IGSF11: variants seen among roughly 807,000 people sequenced by gnomAD.
IGSF11 encodes the protein immunoglobulin superfamily member 11, also known as CXADR like 1.
IGSF11 carries 22 observed loss-of-function variants against 41.0 expected under a neutral mutation model. That is an observed-to-expected ratio of 0.54 (90% CI 0.38 to 0.77). The LOEUF (loss-of-function observed/expected upper bound fraction) is 0.77. IGSF11 is among the 30% of genes least tolerant of loss of function. The pLI is 0.00. For missense variants in IGSF11, 444 were observed against 530.8 expected (o/e 0.84, Z 1.61); for synonymous variants, 219 against 201.3 (o/e 1.09, Z -0.74).
intron 1 of IGSF11, among the ~76,000 whole-genome samples, chr3:118,990,622 A>C (rs1935701413): frequency 6.6e-6 from 1 of 152,246 alleles, no homozygotes; most frequent in Non-Finnish European, 1.5e-5. Context: ...AAAGAGTTAT[A>C]GCCAACACAT....
chr3:118,955,428 A>G (rs890410110), intron 1 of IGSF11, among the ~76,000 whole-genome samples: 9 of 152,096 alleles, frequency 5.9e-5, no homozygotes, highest in African/African-American at 1.9e-4. Context: ...GAGGGTTATC[A>G]TCTATAATTT....
At chr3:119,135,807 C>A (rs1042624412) in intron 1 of IGSF11, among the ~76,000 whole-genome samples, 1 of 152,150 alleles carries the variant, frequency 6.6e-6, no homozygotes, top group Non-Finnish European at 1.5e-5. Context: ...AGACTTGGAA[C>A]CAACCCAAAT....
chr3:119,111,099 A>G (rs375392749), intron 1 of IGSF11, among the ~76,000 whole-genome samples: 2 of 151,968 alleles, frequency 1.3e-5, no homozygotes, highest in South Asian at 2.1e-4. Context: ...GAGTATCTTT[A>G]TGGCGTTCTC....
chr3:119,035,165 G>C (rs1006625672), upstream of IGSF11, among the ~76,000 whole-genome samples: 2 of 152,222 alleles, frequency 1.3e-5, no homozygotes, highest in African/African-American at 4.8e-5. Context: ...AGGTGGTGTC[G>C]GCCTGATGCA....
intron 1 of IGSF11, among the ~76,000 whole-genome samples, chr3:119,012,238 C>A (rs534627559): frequency 1.8e-4 from 27 of 152,222 alleles, no homozygotes; most frequent in African/African-American, 5.8e-4. Context: ...GAGAAACTGG[C>A]AAACTATCAG....
Position 118,902,958 on chromosome 3 carries a change from C to A in IGSF11, c.858G>T (p.Glu286Asp). The change falls in exon 7 of 7, where the codon GAG becomes GAT. Residue 286 changes from glutamate (E) to aspartate (D), a missense_variant. Around this residue, in one of 3 missense-constraint regions of IGSF11, gnomAD observed 223 missense variants for 226.2 expected, o/e 0.99. Coordinates refer to ENST00000393775, the MANE Select transcript of IGSF11 (RefSeq NM_001015887.3). ...EEEEIPNEIR[E>D]DDLPPKCSSA... is the part of the protein sequence containing the mutation. ...AAGAACACTTGGGTGGAAGATCATC[C>A]TCTCTGAAAGGAACAAAATAAAGTC... The A allele has an allele frequency of 6.2e-7, 1 of 1,613,186 alleles. No individual in the cohort carries two copies. The highest frequency in any genetic ancestry group is 8.5e-7 in the Non-Finnish European group (1 of 1,179,228).
intron 1 of IGSF11, among the ~76,000 whole-genome samples, chr3:119,096,345 A>G (rs2107500653): frequency 6.6e-6 from 1 of 152,258 alleles, no homozygotes; most frequent in African/African-American, 2.4e-5. Flanking sequence ...ACACATATAC[A>G]TACATATATA....
At chr3:119,132,580 T>G (rs555119841) in intron 1 of IGSF11, among the ~76,000 whole-genome samples, 7 of 152,182 alleles carry the variant, frequency 4.6e-5, no homozygotes, top group Admixed American at 1.3e-4. Context: ...AAGCAAGTCC[T>G]TAGAGACCTA....
At chr3:119,105,281 TTAAA>T (rs2077004401), upstream of IGSF11, 1 of 860,140 alleles carries the variant, frequency 1.2e-6, no homozygotes, top group Non-Finnish European at 1.8e-6. Context: ...TTTAAAATTT[TTAAA>T]TAGTTTATTT....
intron 1 of IGSF11, among the ~76,000 whole-genome samples, chr3:119,103,944 C>T (rs2076978859): frequency 6.6e-6 from 1 of 151,932 alleles, no homozygotes; most frequent in Non-Finnish European, 1.5e-5. Context: ...TGGTAATGCC[C>T]CCTCATATAT....
intron 1 of IGSF11, among the ~76,000 whole-genome samples, chr3:119,009,338 G>A (rs1184698443): frequency 2.6e-5 from 4 of 152,164 alleles, no homozygotes; most frequent in Admixed American, 1.3e-4. Context: ...TGGTTTGGCT[G>A]TGTCTCCACC....
intron 1 of IGSF11, among the ~76,000 whole-genome samples, chr3:118,999,895 C>T (rs997492806): frequency 1.3e-5 from 2 of 151,886 alleles, no homozygotes; most frequent in South Asian, 2.1e-4. Flanking sequence ...TACCAGCAAC[C>T]GACACCCAGA....
At chr3:119,050,578 G>A (rs1388457731) in intron 1 of IGSF11, among the ~76,000 whole-genome samples, 4 of 151,912 alleles carry the variant, frequency 2.6e-5, no homozygotes, top group Non-Finnish European at 5.9e-5. Flanking sequence ...CATTGTGGAA[G>A]TCAGTGTGGC....
intron 6 of IGSF11, among the ~76,000 whole-genome samples, chr3:118,904,392 C>G (rs1939318282): frequency 6.6e-6 from 1 of 152,156 alleles, no homozygotes; most frequent in Non-Finnish European, 1.5e-5. Flanking sequence ...ACCCTGGAGA[C>G]ACGGAAGATA....
At chr3:118,931,737 A>ATTT (rs35532396) in intron 1 of IGSF11, among the ~76,000 whole-genome samples, 12,108 of 142,854 alleles carry the variant, frequency 0.085, 608 homozygotes, top group East Asian at 0.12. Flanking sequence ...AAAGTCACTG[A>ATTT]TTTTTTTTTT....
chr3:119,109,261 T>C (rs1459724128), upstream of IGSF11, among the ~76,000 whole-genome samples: 2 of 150,430 alleles, frequency 1.3e-5, no homozygotes, highest in Non-Finnish European at 3.0e-5. Context: ...TTGCCACAAT[T>C]TCAGATCCTG....
chr3:119,028,515 A>G (rs1039439555), intron 1 of IGSF11, among the ~76,000 whole-genome samples: 1 of 152,200 alleles, frequency 6.6e-6, no homozygotes, highest in Non-Finnish European at 1.5e-5. Context: ...TGAAAATGGT[A>G]AACTTCAAGG....
At chr3:119,060,248 A>G (rs1021365596) in intron 1 of IGSF11, among the ~76,000 whole-genome samples, 1 of 152,206 alleles carries the variant, frequency 6.6e-6, no homozygotes, top group Non-Finnish European at 1.5e-5. Context: ...TCTTTCCAGA[A>G]AGTTAGAGAT....
At chr3:119,005,846 T>A (rs1387093937) in intron 1 of IGSF11, among the ~76,000 whole-genome samples, 1 of 123,476 alleles carries the variant, frequency 8.1e-6, no homozygotes. Flanking sequence ...GTTAGTCTGA[T>A]GGGCTTCCCT....
Sources: gnomAD v4.1 joint callset for allele counts (sites outside exome capture counted in the v4.1 genomes callset) on GRCh38, gnomAD v4.1.1 for gene constraint, gnomAD v4.1.1 regional missense constraint, MANE v1.5 for transcripts, NCBI Gene and HGNC (gene_info 2026-07-23, HGNC 2026-07-21) for gene names.